Variants in PHACTR3 observed in about 807,000 individuals in gnomAD.
PHACTR3 encodes the protein phosphatase and actin regulator 3, also known as protein phosphatase 1, regulatory subunit 123.
A neutral mutation model predicts 66.8 loss-of-function variants in PHACTR3; 16 were observed. The ratio of observed to expected loss-of-function variants is 0.24; its 90% CI spans 0.16 to 0.36. The LOEUF is 0.36. Ranked by LOEUF, PHACTR3 falls within the 10% of genes least tolerant of loss-of-function variation. PHACTR3 has a pLI of 1.00. For synonymous variants in PHACTR3, 323 were observed against 292.1 expected (o/e 1.11, Z -1.08); for missense variants, 647 against 719.9 (o/e 0.90, Z 1.16).
chr20:59,790,518 C>T (rs915162282), intron 7 of PHACTR3, among the ~76,000 whole-genome samples: 16 of 152,302 alleles, frequency 1.1e-4, no homozygotes, highest in African/African-American at 3.6e-4. Flanking sequence ...AGTAGAAAAA[C>T]AAACACTAAC....
chr20:59,834,257 TCCTTC>T (rs1441950704), intron 8 of PHACTR3, among the ~76,000 whole-genome samples: 4 of 152,272 alleles, frequency 2.6e-5, no homozygotes, highest in Non-Finnish European at 5.9e-5. Context: ...CCATCCCATC[TCCTTC>T]CTGCTTCCGA....
chr20:59,750,376 C>G (rs537465818), intron 3 of PHACTR3, among the ~76,000 whole-genome samples: 166 of 152,240 alleles, frequency 1.1e-3, no homozygotes, highest in Non-Finnish European at 1.9e-3. Flanking sequence ...GCGTGGGACC[C>G]AGGCAGCAGT....
chr20:59,739,943 A>G (rs1230538390), intron 1 of PHACTR3, among the ~76,000 whole-genome samples: 1 of 152,040 alleles, frequency 6.6e-6, no homozygotes. Flanking sequence ...CAGCTCTGAG[A>G]CCAACAAAAA....
intron 1 of PHACTR3, among the ~76,000 whole-genome samples, chr20:59,686,688 GA>G (rs2036882640): frequency 6.6e-6 from 1 of 151,282 alleles, no homozygotes; most frequent in Non-Finnish European, 1.5e-5. Context: ...TGATGGTGAT[GA>G]TGATGATTGT....
At chr20:59,656,241 G>T (rs1568963644) in intron 1 of PHACTR3, among the ~76,000 whole-genome samples, 1 of 151,644 alleles carries the variant, frequency 6.6e-6, no homozygotes, top group Non-Finnish European at 1.5e-5. Flanking sequence ...AGTGAAAGTG[G>T]GATATTGAAG....
At chr20:59,639,609 G>A (rs533762305) in intron 1 of PHACTR3, among the ~76,000 whole-genome samples, 1 of 152,236 alleles carries the variant, frequency 6.6e-6, no homozygotes, top group South Asian at 2.1e-4. Flanking sequence ...AAGATTATTG[G>A]TATTGAGTCC....
At chr20:59,704,958 C>CTTT (rs552743155) in intron 1 of PHACTR3, among the ~76,000 whole-genome samples, 3 of 139,906 alleles carry the variant, frequency 2.1e-5, no homozygotes, top group Non-Finnish European at 3.1e-5. Flanking sequence ...AAGACTTTCT[C>CTTT]TTTTTTTTTT....
chr20:59,827,821 G>A lies in PHACTR3; in HGVS notation c.1329-8684G>A, dbSNP rs1346845027. On this transcript the variant is annotated intron_variant, in intron 8 of 12. Coordinates refer to ENST00000371015, the MANE Select transcript of PHACTR3 (RefSeq NM_080672.5). ...ATGGGACACCTTCCCGACATCAGAA[G>A]CCCCCCACTGCACCAAGCTTGGCGG... is the stretch of plus-strand genomic sequence containing the variant. Among the ~76,000 whole-genome samples, 6 of 152,280 alleles carry A rather than the reference G, an allele frequency of 3.9e-5. No homozygotes were observed. In the East Asian group the frequency reaches 1.2e-3, roughly 29 times the overall value.
intron 1 of PHACTR3, among the ~76,000 whole-genome samples, chr20:59,659,855 C>T (rs187294890): frequency 4.7e-4 from 71 of 152,260 alleles, no homozygotes; most frequent in African/African-American, 1.4e-3. Context: ...TGCCACAGCC[C>T]GGCCAGCAGA....
At chr20:59,709,251 T>A (rs1385623521) in intron 1 of PHACTR3, among the ~76,000 whole-genome samples, 1 of 152,224 alleles carries the variant, frequency 6.6e-6, no homozygotes, top group Admixed American at 6.5e-5. Flanking sequence ...TTTTCTGAGA[T>A]GTACCTTTTC....
chr20:59,729,878 C>T (rs768677315), intron 1 of PHACTR3, among the ~76,000 whole-genome samples: 1 of 152,168 alleles, frequency 6.6e-6, no homozygotes, highest in Non-Finnish European at 1.5e-5. Context: ...GGTGAAAATC[C>T]TCCTCGGTGT....
chr20:59,661,420 C>A (rs1037614303), intron 1 of PHACTR3, among the ~76,000 whole-genome samples: 1 of 152,024 alleles, frequency 6.6e-6, no homozygotes, highest in Admixed American at 6.5e-5. Context: ...TGCATCCTGG[C>A]GGCTTTGTGG....
chr20:59,777,293 T>C (rs1233077629), intron 7 of PHACTR3, among the ~76,000 whole-genome samples: 1 of 152,218 alleles, frequency 6.6e-6, no homozygotes, highest in Admixed American at 6.5e-5. Flanking sequence ...GATTTCCAAA[T>C]AAGGTCACTT....
chr20:59,604,821 C>A lies in PHACTR3; in HGVS notation c.-194C>A, dbSNP rs1462492642. 1 of 1,210,790 alleles carries A rather than the reference C, an allele frequency of 8.3e-7. No individual in the cohort carries two copies. 75.0% of individuals were successfully genotyped at this position (1,210,790 alleles called of 1,614,324 possible). On this transcript the variant is annotated 5_prime_UTR_variant, in exon 1 of 13. Transcript: ENST00000371015. Reference sequence around the variant, plus strand: ...TGGCTGCAGCCGGCGAGGCTATTGTCTCCCCGCCCTGAAGCCAGCCCCGGC... The same window carrying A: ...TGGCTGCAGCCGGCGAGGCTATTGTATCCCCGCCCTGAAGCCAGCCCCGGC...
intron 3 of PHACTR3, among the ~76,000 whole-genome samples, chr20:59,754,147 C>T (rs533641377): frequency 2.1e-4 from 32 of 152,280 alleles, no homozygotes; most frequent in Admixed American, 5.2e-4. Flanking sequence ...ACTTGCTGGC[C>T]GAGGGCCCTG....
intron 8 of PHACTR3, among the ~76,000 whole-genome samples, chr20:59,812,539 G>A (rs1283656393): frequency 3.3e-5 from 5 of 152,200 alleles, no homozygotes; most frequent in African/African-American, 1.2e-4. Flanking sequence ...GAGACAGAAC[G>A]CACAGAAATG....
At chr20:59,627,400 G>A (rs1056249482) in intron 1 of PHACTR3, among the ~76,000 whole-genome samples, 1 of 152,200 alleles carries the variant, frequency 6.6e-6, no homozygotes, top group Admixed American at 6.5e-5. Flanking sequence ...GTGTGAGAGG[G>A]ATCAGATGGC....
At chr20:59,592,484 GT>G (rs2033213509) in intron 1 of PHACTR3, among the ~76,000 whole-genome samples, 1 of 152,268 alleles carries the variant, frequency 6.6e-6, no homozygotes, top group African/African-American at 2.4e-5. Context: ...TTACATTAGG[GT>G]GCATTCTTCG....
At chr20:59,751,584 A>G (rs918784226) in intron 3 of PHACTR3, among the ~76,000 whole-genome samples, 3 of 152,106 alleles carry the variant, frequency 2.0e-5, no homozygotes, top group Non-Finnish European at 4.4e-5. Flanking sequence ...AGAGCCCGCC[A>G]GCTCCCGGGG....
Sources: gnomAD v4.1 joint callset for allele counts (sites outside exome capture counted in the v4.1 genomes callset) on GRCh38, gnomAD v4.1.1 for gene constraint, MANE v1.5 for transcripts, NCBI Gene and HGNC (gene_info 2026-07-23, HGNC 2026-07-21) for gene names.